Variants in CREBRF observed in about 807,000 individuals in gnomAD.
CREBRF encodes the protein CREB3 regulatory factor.
A neutral mutation model predicts 66.1 loss-of-function variants in CREBRF; 5 were observed. The ratio of observed to expected loss-of-function variants is 0.08; its 90% CI spans 0.04 to 0.16. The LOEUF is 0.16. Among genes scored for constraint, CREBRF ranks in the 10% least tolerant of loss-of-function variants. CREBRF has a pLI of 1.00. For synonymous variants in CREBRF, 229 were observed against 264.4 expected (o/e 0.87, Z 1.30); for missense variants, 531 against 744.9 (o/e 0.71, Z 3.34).
chr5:173,059,422 G>T (rs1242559597), intron 1 of CREBRF, among the ~76,000 whole-genome samples: 1 of 151,436 alleles, frequency 6.6e-6, no homozygotes, highest in African/African-American at 2.4e-5. Flanking sequence ...CCACCACCAC[G>T]CCCGGCTAAT....
At chr5:173,068,200 C>T in intron 1 of CREBRF, 1 of 433,396 alleles carries the variant, frequency 2.3e-6, no homozygotes. Flanking sequence ...AGAATACTGA[C>T]TGCCTGATGG....
chr5:173,084,927 G>A (rs996031985), intron 2 of CREBRF, among the ~76,000 whole-genome samples: 3 of 151,818 alleles, frequency 2.0e-5, no homozygotes, highest in African/African-American at 7.3e-5. Flanking sequence ...TTACATGTGT[G>A]AGCCACTGCG....
At chr5:173,079,466 TA>T (rs57288779) in intron 1 of CREBRF, among the ~76,000 whole-genome samples, 23,076 of 130,886 alleles carry the variant, frequency 0.18, 2,457 homozygotes, top group African/African-American at 0.33. Flanking sequence ...CTGTCTTTTT[TA>T]AAAAAAAAAA....
At chr5:173,080,901 A>C in intron 2 of CREBRF, 117 bp downstream of exon 2, 8 of 945,688 alleles carry the variant, frequency 8.5e-6, no homozygotes, top group Non-Finnish European at 1.1e-5. Flanking sequence ...GTGATATCTC[A>C]TTTCTGATCT....
chr5:173,131,302 C>T (rs907125444), intron 8 of CREBRF, among the ~76,000 whole-genome samples: 8 of 152,188 alleles, frequency 5.3e-5, no homozygotes, highest in Non-Finnish European at 8.8e-5. Context: ...TTAGCCACAA[C>T]GCCAGTGTCA....
intron 2 of CREBRF, chr5:173,085,904 GTC>G: frequency 1.1e-6 from 1 of 912,056 alleles, no homozygotes. Context: ...CAAGAAAGGA[GTC>G]TTTGGGACAG....
intron 4 of CREBRF, among the ~76,000 whole-genome samples, chr5:173,094,526 CTGA>C (rs1758429585): frequency 6.6e-6 from 1 of 152,116 alleles, no homozygotes; most frequent in Admixed American, 6.5e-5. Flanking sequence ...TTGTATTTCT[CTGA>C]TGATTAGTGG....
At chr5:173,092,197 T>G in intron 4 of CREBRF, 1 of 958,704 alleles carries the variant, frequency 1.0e-6, no homozygotes, top group South Asian at 4.8e-5. Flanking sequence ...ATGGTTTATA[T>G]TACTCATTCC....
chr5:173,088,077 A>G (rs1243184418), intron 3 of CREBRF, among the ~76,000 whole-genome samples: 2 of 151,214 alleles, frequency 1.3e-5, no homozygotes, highest in African/African-American at 4.9e-5. Context: ...CCCACCTCGG[A>G]GTGCTGGGAT....
At chr5:173,059,256 C>CTTT (rs780723745) in intron 1 of CREBRF, among the ~76,000 whole-genome samples, 1,829 of 117,058 alleles carry the variant, frequency 0.016, 131 homozygotes, top group African/African-American at 0.053. Context: ...TCTTCTTTTT[C>CTTT]TTTTTTTTCT....
At chr5:173,085,849 A>C (rs1758131032) in intron 2 of CREBRF, 12 of 793,162 alleles carry the variant, frequency 1.5e-5, no homozygotes, top group South Asian at 1.3e-4. Context: ...CAAGTTTCTC[A>C]ATAGTAGAGG....
At chr5:173,075,514 CA>C (rs1757733480) in intron 1 of CREBRF, among the ~76,000 whole-genome samples, 1 of 152,014 alleles carries the variant, frequency 6.6e-6, no homozygotes, top group South Asian at 2.1e-4. Context: ...GAGTAGTTTT[CA>C]AAAGGAAAGG....
intron 1 of CREBRF, among the ~76,000 whole-genome samples, chr5:173,073,936 C>T (rs965154532): frequency 6.6e-6 from 1 of 151,866 alleles, no homozygotes; most frequent in African/African-American, 2.4e-5. Context: ...CACTGCGCTC[C>T]AGCCTGGTGA....
chr5:173,076,881 G>A (rs1358987476), intron 1 of CREBRF, among the ~76,000 whole-genome samples: 1 of 151,548 alleles, frequency 6.6e-6, no homozygotes, highest in East Asian at 1.9e-4. Context: ...GCATGAACCA[G>A]CAAAGATTAG....
In CREBRF at chr5:173,100,118, G is replaced by GTGTGTGTGTA. The variant is rs70984939; in HGVS notation, c.1223-8505_1223-8504insGTGTGTGTAT. Among the ~76,000 whole-genome samples, 484 of 88,326 alleles carry GTGTGTGTGTA rather than the reference G, an allele frequency of 5.5e-3. 5 individuals are homozygous for GTGTGTGTGTA. The highest frequency in any genetic ancestry group is 0.019 in the Middle Eastern group (2 of 104). The allele number at this position is 88,326 out of a possible 152,430, so 57.9% of individuals were successfully genotyped here. A position where few individuals can be genotyped will look rare whatever the true frequency, so the allele number is the denominator to read the frequency against. On this transcript the variant is annotated intron_variant, in intron 4 of 8. Transcript: ENST00000296953. ...TGTGTGTGTGTGTGTGTGTGTGTGT[G>GTGTGTGTGTA]TATATATATATAATTTTTTTTTTTT... is the stretch of plus-strand genomic sequence containing the variant.
At chr5:173,074,341 A>G (rs533626797) in intron 1 of CREBRF, among the ~76,000 whole-genome samples, 2 of 152,040 alleles carry the variant, frequency 1.3e-5, no homozygotes, top group African/African-American at 4.8e-5. Flanking sequence ...TTGGTTCCCA[A>G]AGAGCTTTGA....
At chr5:173,083,523 A>G (rs890985980) in intron 2 of CREBRF, among the ~76,000 whole-genome samples, 2 of 152,102 alleles carry the variant, frequency 1.3e-5, no homozygotes, top group Non-Finnish European at 2.9e-5. Context: ...CTTACCAAGG[A>G]GATTTTTGGG....
intron 7 of CREBRF, among the ~76,000 whole-genome samples, chr5:173,117,103 T>A (rs932723950): frequency 6.6e-6 from 1 of 152,118 alleles, no homozygotes; most frequent in Non-Finnish European, 1.5e-5. Context: ...TCTGGGCCGG[T>A]CGCAGTGGCT....
At chr5:173,066,246 CT>C (rs1226270343) in intron 1 of CREBRF, among the ~76,000 whole-genome samples, 1 of 152,204 alleles carries the variant, frequency 6.6e-6, no homozygotes, top group African/African-American at 2.4e-5. Flanking sequence ...TGTTCAAAGA[CT>C]AATTATCCAT....
Sources: gnomAD v4.1 joint callset for allele counts (sites outside exome capture counted in the v4.1 genomes callset) on GRCh38, gnomAD v4.1.1 for gene constraint, MANE v1.5 for transcripts, NCBI Gene and HGNC (gene_info 2026-07-23, HGNC 2026-07-21) for gene names.